Variants in PCSK5 observed in about 807,000 individuals in gnomAD.
PCSK5 encodes prohormone convertase 5.
In PCSK5, 129 loss-of-function variants were observed where a neutral mutation model predicts 233.2. That is an observed-to-expected ratio of 0.55 (90% confidence interval 0.48 to 0.64). The LOEUF is 0.64. Among genes scored for constraint, PCSK5 ranks in the 30% least tolerant of loss-of-function variants. The probability of loss-of-function intolerance (pLI) is 0.00; values close to 1 mark genes in which losing one functional copy is unlikely to be tolerated. For missense variants in PCSK5, 2,076 were observed against 2,430.1 expected, an observed-to-expected ratio of 0.85 and a Z score of 3.06; for synonymous variants, 825 against 879.2, an observed-to-expected ratio of 0.94 and a Z score of 1.09.
intron 5 of PCSK5, among the ~76,000 whole-genome samples, chr9:76,028,120 A>G (rs1226153441): frequency 6.6e-6 from 1 of 152,232 alleles, no homozygotes; most frequent in African/African-American, 2.4e-5. Context: ...AACCAAGTAA[A>G]TCTTCTCGAT....
At chr9:76,023,534 G>A (rs1016660578) in intron 3 of PCSK5, among the ~76,000 whole-genome samples, 1 of 151,914 alleles carries the variant, frequency 6.6e-6, no homozygotes, top group Non-Finnish European at 1.5e-5. Context: ...GCATGGTGGT[G>A]TGCCTTTGTA....
At position 75,968,843 on chromosome 9, in the gene PCSK5, A is replaced by G. The variant is rs74687713; in HGVS notation, c.298-17289A>G. ...GGGACCATTTGATAAGGTGTGTGAA[A>G]ACTTCGTGTGACCTTCTTTATTATA... On this transcript the variant is annotated intron_variant, in intron 2 of 37. Transcript: ENST00000674117. Among the ~76,000 whole-genome samples, 964 of 152,320 alleles carry G rather than the reference A, an allele frequency of 6.3e-3. 5 individuals are homozygous for G. Among genetic ancestry groups the G allele is most frequent in the Middle Eastern group, 0.01 (3 of 294 alleles).
At position 76,006,983 on chromosome 9, in the gene PCSK5, T is replaced by G. The variant is rs1827505274; in HGVS notation, c.412-16755T>G. Among the ~76,000 whole-genome samples, 2 of 152,180 alleles carry G rather than the reference T, an allele frequency of 1.3e-5. 1 individual carries two copies. Among genetic ancestry groups the G allele is most frequent in the South Asian group, 4.1e-4 (2 of 4,834 alleles). Reference sequence around the variant, plus strand: ...AGGTCTTATTTGCCAGTTTTCTTTATTAGTTACTTTTTCTTGAATACTTTT... The same window carrying G: ...AGGTCTTATTTGCCAGTTTTCTTTAGTAGTTACTTTTTCTTGAATACTTTT... On this transcript the variant is annotated intron_variant, in intron 3 of 37. Coordinates refer to ENST00000674117, the MANE Select transcript of PCSK5 (RefSeq NM_001372043.1).
At position 76,096,037 on chromosome 9, in the gene PCSK5, C is replaced by T; in HGVS notation, c.1042C>T (p.Leu348=). Residue 348 remains leucine, a synonymous_variant, in exon 8 of 38, where the codon CTG becomes TTG. Coordinates refer to ENST00000674117, the MANE Select transcript of PCSK5 (RefSeq NM_001372043.1). ...AGAAAGCGGAAAGAAACCTTGGTAC[C>T]TGGAAGAGTGTTCATCCACGCTGGC... ...TAESGKKPWY[L]EECSSTLATT... The T allele has an allele frequency of 6.2e-7, 1 of 1,614,150 alleles. No homozygotes were observed. The highest frequency in any genetic ancestry group is 8.5e-7 in the Non-Finnish European group (1 of 1,180,020).
intron 24 of PCSK5, among the ~76,000 whole-genome samples, chr9:76,243,236 T>C (rs1826484010): frequency 1.3e-5 from 2 of 152,232 alleles, no homozygotes; most frequent in African/African-American, 4.8e-5. Context: ...AGTCCATTCA[T>C]TACTTAAGAA....
chr9:75,991,640 A>T (rs945005971), intron 3 of PCSK5, among the ~76,000 whole-genome samples: 1 of 152,180 alleles, frequency 6.6e-6, no homozygotes, highest in African/African-American at 2.4e-5. Flanking sequence ...CTCCAGAGAC[A>T]GAGGATATCT....
chr9:76,033,958 A>T (rs1283389799), intron 5 of PCSK5, among the ~76,000 whole-genome samples: 6 of 152,218 alleles, frequency 3.9e-5, no homozygotes, highest in Non-Finnish European at 8.8e-5. Context: ...CATTCAGATC[A>T]TAGTAACAGC....
At chr9:76,286,784 C>T (rs1280627888) in intron 24 of PCSK5, 2 of 162,400 alleles carry the variant, frequency 1.2e-5, no homozygotes, top group East Asian at 1.9e-4. Flanking sequence ...CCCGGCAGTA[C>T]TGGAATCAGC....
chr9:76,138,565 C>G (rs554491484), intron 10 of PCSK5, among the ~76,000 whole-genome samples: 18 of 152,208 alleles, frequency 1.2e-4, no homozygotes, highest in African/African-American at 4.3e-4. Context: ...ACCTCTCCCA[C>G]CAGTGCCTGG....
At chr9:75,922,582 A>C (rs1404879244) in intron 1 of PCSK5, among the ~76,000 whole-genome samples, 1 of 152,196 alleles carries the variant, frequency 6.6e-6, no homozygotes, top group Non-Finnish European at 1.5e-5. Context: ...TGTTGCCTTG[A>C]GTAGTCAGTG....
chr9:76,039,667 T>G (rs1232235886), intron 5 of PCSK5, among the ~76,000 whole-genome samples: 1 of 152,186 alleles, frequency 6.6e-6, no homozygotes, highest in African/African-American at 2.4e-5. Flanking sequence ...GAAAAGTTAT[T>G]GTTATGTTGT....
chr9:75,972,807 C>T (rs961427569), intron 2 of PCSK5, among the ~76,000 whole-genome samples: 3 of 152,100 alleles, frequency 2.0e-5, no homozygotes, highest in African/African-American at 7.2e-5. Flanking sequence ...TTCCTCCTTC[C>T]CCCACCTTTC....
chr9:76,156,305 G>C (rs1822576639), intron 10 of PCSK5, among the ~76,000 whole-genome samples: 1 of 152,132 alleles, frequency 6.6e-6, no homozygotes, highest in African/African-American at 2.4e-5. Flanking sequence ...GTCAAATTCA[G>C]CTTTAGATCA....
At position 76,238,011 on chromosome 9, in the gene PCSK5, T is replaced by C. The variant is rs541422392; in HGVS notation, c.2867-948T>C. Among the ~76,000 whole-genome samples, 9 of 152,282 alleles carry C rather than the reference T, an allele frequency of 5.9e-5. No homozygotes were observed. The South Asian group carries it at 1.9e-3, about 32-fold the overall frequency. ...GAAGGTCAATGATTCTGGATCTCCA[T>C]GTGGTAGATCACATGACGAATGAAC... On this transcript the variant is annotated intron_variant, in intron 22 of 37. Coordinates refer to ENST00000674117, the MANE Select transcript of PCSK5 (RefSeq NM_001372043.1).
intron 10 of PCSK5, 54 bp downstream of exon 10, chr9:76,134,266 AT>A: frequency 8.8e-7 from 1 of 1,130,322 alleles, no homozygotes; most frequent in Non-Finnish European, 1.3e-6. Context: ...TTTTTCCCCC[AT>A]TTTAAATGGA....
chr9:76,328,236 C>T lies in PCSK5; in HGVS notation c.4567C>T (p.Leu1523Phe), dbSNP rs749403081. The part of the protein sequence containing the change: ...CQTCPMNSLL[L>F]NTTCVKDCPE... Reference sequence around the variant, plus strand: ...AACATGCCCCATGAACAGCCTTCTTCTCAGTGAGTTACTTCTCCGAGGACA... The same window carrying T: ...AACATGCCCCATGAACAGCCTTCTTTTCAGTGAGTTACTTCTCCGAGGACA... Residue 1523 changes from leucine (L) to phenylalanine (F), a missense_variant, in exon 33 of 38, where the codon CTC becomes TTC. Around this residue, in one of 6 missense-constraint regions of PCSK5, gnomAD observed 1,510 missense variants for 1,538.1 expected, o/e 0.98. Transcript: ENST00000674117. The T allele has an allele frequency of 4.4e-6, 7 of 1,606,114 alleles. No individual in the cohort carries two copies.
chr9:75,899,305 A>G (rs1048182007), intron 1 of PCSK5, among the ~76,000 whole-genome samples: 1 of 152,220 alleles, frequency 6.6e-6, no homozygotes, highest in African/African-American at 2.4e-5. Flanking sequence ...ATACATATAC[A>G]TAGTGAAATG....
intron 9 of PCSK5, among the ~76,000 whole-genome samples, chr9:76,109,727 G>GAACT (rs537841676): frequency 4.6e-5 from 7 of 152,206 alleles, no homozygotes; most frequent in Non-Finnish European, 7.4e-5. Flanking sequence ...AATGGATGAT[G>GAACT]AACTATCTGA....
chr9:76,272,567 G>A lies in PCSK5; in HGVS notation c.3143-19666G>A, dbSNP rs368924140. ...AGACGGGCGGATCACGAGGTCAGGA[G>A]ATTGAGACCATCCTGGCCAACATAG... On this transcript the variant is annotated intron_variant, in intron 24 of 37. Coordinates refer to ENST00000674117, the MANE Select transcript of PCSK5 (RefSeq NM_001372043.1). 2.4e-3 allele frequency among the ~76,000 whole-genome samples: 372 copies of A among 151,966 alleles called. 3 individuals carry two copies. Among genetic ancestry groups the A allele is most frequent in the African/African-American group, 8.3e-3 (342 of 41,426 alleles).
Sources: gnomAD v4.1 joint callset for allele counts (sites outside exome capture counted in the v4.1 genomes callset) on GRCh38, gnomAD v4.1.1 for gene constraint, gnomAD v4.1.1 regional missense constraint, MANE v1.5 for transcripts, NCBI Gene and HGNC (gene_info 2026-07-23, HGNC 2026-07-21) for gene names.